Variants in DDC observed in about 807,000 individuals in gnomAD.
The protein encoded by DDC is dopa decarboxylase, also known as aromatic-L-amino-acid decarboxylase.
DDC carries 43 observed loss-of-function variants against 60.0 expected under a neutral mutation model. The observed-to-expected ratio is 0.72, with a 90% CI of 0.56 to 0.92. The LOEUF is 0.92. Among genes scored for constraint, DDC ranks in the 40% least tolerant of loss-of-function variants. The pLI is 0.00. For synonymous variants in DDC, 232 were observed against 234.6 expected (o/e 0.99, Z 0.10); for missense variants, 573 against 620.2 (o/e 0.92, Z 0.81).
At chr7:50,509,223 C>T (rs1238667577) in intron 6 of DDC, among the ~76,000 whole-genome samples, 1 of 152,118 alleles carries the variant, frequency 6.6e-6, no homozygotes, top group Non-Finnish European at 1.5e-5. Flanking sequence ...AGTGATTCTC[C>T]TCTCTGATCC....
chr7:50,459,947 G>T (rs1368307446), intron 14 of DDC, among the ~76,000 whole-genome samples: 2 of 135,912 alleles, frequency 1.5e-5, no homozygotes, highest in Non-Finnish European at 3.1e-5. Context: ...TCAGCCCCCT[G>T]CCCGGCCAGC....
chr7:50,494,976 T>C (rs907939494), intron 9 of DDC, among the ~76,000 whole-genome samples: 1 of 152,174 alleles, frequency 6.6e-6, no homozygotes, highest in Non-Finnish European at 1.5e-5. Context: ...GCAAATACTT[T>C]TAAGCATTTG....
chr7:50,507,670 C>T (rs2043438619), intron 6 of DDC, among the ~76,000 whole-genome samples: 1 of 152,156 alleles, frequency 6.6e-6, no homozygotes, highest in African/African-American at 2.4e-5. Context: ...TTTTGGTTAA[C>T]ATAAACCTTT....
At chr7:50,522,379 A>G (rs2043917391) in intron 6 of DDC, among the ~76,000 whole-genome samples, 1 of 152,210 alleles carries the variant, frequency 6.6e-6, no homozygotes, top group Non-Finnish European at 1.5e-5. Flanking sequence ...AATCCTATAT[A>G]AAGTCCCAGA....
At chr7:50,468,208 A>G (rs1011283949) in intron 12 of DDC, among the ~76,000 whole-genome samples, 1 of 152,196 alleles carries the variant, frequency 6.6e-6, no homozygotes, top group African/African-American at 2.4e-5. Context: ...GCCACCAGAG[A>G]GCGCCAAAGA....
intron 6 of DDC, among the ~76,000 whole-genome samples, chr7:50,505,743 C>A (rs886859824): frequency 1.1e-4 from 16 of 152,234 alleles, no homozygotes; most frequent in African/African-American, 3.9e-4. Flanking sequence ...GTTTTCCATG[C>A]CAAACCCCGG....
intron 1 of DDC, among the ~76,000 whole-genome samples, chr7:50,555,497 G>A (rs935026426): frequency 2.0e-5 from 3 of 152,088 alleles, no homozygotes; most frequent in African/African-American, 7.2e-5. Context: ...AGGCCAAAGT[G>A]TCTCTACTTA....
chr7:50,482,061 G>T (rs1442047230), intron 9 of DDC, among the ~76,000 whole-genome samples: 2 of 152,218 alleles, frequency 1.3e-5, no homozygotes, highest in East Asian at 3.8e-4. Flanking sequence ...GGAGCCCCTA[G>T]TGGCAGCGCC....
intron 6 of DDC, among the ~76,000 whole-genome samples, chr7:50,508,001 CT>C (rs1319320307): frequency 6.6e-6 from 1 of 152,236 alleles, no homozygotes; most frequent in Non-Finnish European, 1.5e-5. Context: ...TTGGTTAGCT[CT>C]TGTTGTCCTG....
At chr7:50,492,625 C>T in intron 9 of DDC, 5 of 1,073,192 alleles carry the variant, frequency 4.7e-6, no homozygotes, top group Non-Finnish European at 5.9e-6. Flanking sequence ...GGCAGACTTC[C>T]AGACACCGCA....
intron 14 of DDC, among the ~76,000 whole-genome samples, chr7:50,459,399 C>A (rs185667617): frequency 6.6e-6 from 1 of 152,164 alleles, no homozygotes; most frequent in African/African-American, 2.4e-5. Flanking sequence ...AAGTGCGGAG[C>A]GTCTCTGCCT....
intron 6 of DDC, among the ~76,000 whole-genome samples, chr7:50,511,296 C>G: frequency 7.6e-6 from 1 of 131,212 alleles, no homozygotes; most frequent in East Asian, 2.2e-4. Flanking sequence ...TACTATGCGA[C>G]TTTTTTTAAC....
chr7:50,492,963 G>T (rs759341496), intron 9 of DDC: 8 of 1,598,338 alleles, frequency 5.0e-6, no homozygotes, highest in Non-Finnish European at 6.8e-6. Context: ...CACTGACTAA[G>T]CAGGTTTTCT....
intron 14 of DDC, among the ~76,000 whole-genome samples, chr7:50,462,544 T>A (rs2042301320): frequency 6.6e-6 from 1 of 152,210 alleles, no homozygotes; most frequent in Non-Finnish European, 1.5e-5. Context: ...TGAGTCATAA[T>A]AAATTCCCTT....
intron 12 of DDC, among the ~76,000 whole-genome samples, chr7:50,468,503 C>T (rs2042451889): frequency 6.6e-6 from 1 of 152,148 alleles, no homozygotes; most frequent in African/African-American, 2.4e-5. Context: ...CATATACATA[C>T]TCCTTTCCCA....
At chr7:50,510,524 C>A (rs2043529497) in intron 6 of DDC, among the ~76,000 whole-genome samples, 1 of 151,522 alleles carries the variant, frequency 6.6e-6, no homozygotes, top group Admixed American at 6.6e-5. Flanking sequence ...CAAAAATTAG[C>A]CAGGTGTGGT....
Position 50,544,095 on chromosome 7 carries a change from G to T in DDC, c.-10C>A. On this transcript the variant is annotated 5_prime_UTR_variant, in exon 2 of 15. Coordinates refer to ENST00000444124, the MANE Select transcript of DDC (RefSeq NM_001082971.2). ...ATTCACTTGCGTTCATGGTGTCTGG[G>T]CTCTGTCAGAGGTGAAAACTGCAGA... The T allele has an allele frequency of 6.2e-7, 1 of 1,613,604 alleles. No individual in the cohort carries two copies. The highest frequency in any genetic ancestry group is 8.5e-7 in the Non-Finnish European group (1 of 1,179,578).
At chr7:50,479,607 C>A (rs1027443986) in intron 10 of DDC, among the ~76,000 whole-genome samples, 180 bp downstream of exon 10, 1 of 152,162 alleles carries the variant, frequency 6.6e-6, no homozygotes, top group African/African-American at 2.4e-5. Flanking sequence ...CCCCAAGCCT[C>A]TTAACCAACC....
Position 50,504,013 on chromosome 7 carries a change from A to T in DDC, c.761T>A (p.Leu254His), listed in dbSNP as rs775664662. 4 of 1,613,778 alleles carry T rather than the reference A, an allele frequency of 2.5e-6. No individual in the cohort carries two copies. Among genetic ancestry groups the T allele is most frequent in the Non-Finnish European group, 3.4e-6 (4 of 1,179,622 alleles). The change falls in exon 7 of 15, where the codon CTC becomes CAC. Residue 254 changes from leucine to histidine, a missense_variant. Leu to His is a moderately conservative substitution (Grantham distance 99). Coordinates refer to ENST00000444124, the MANE Select transcript of DDC (RefSeq NM_001082971.2). ...CTTACAGATAGGACCGACTTCTAAG[A>T]GATTGTCAAAGGAGCAGCATGTTGT... ...GTTTCCSFDN[L>H]LEVGPICNKE...
Sources: allele counts gnomAD v4.1 joint callset (sites outside exome capture counted in the v4.1 genomes callset), GRCh38; gene constraint gnomAD v4.1.1; transcripts MANE v1.5; gene names NCBI Gene and HGNC (gene_info 2026-07-23, HGNC 2026-07-21).